Variants in CD2AP observed in about 807,000 individuals in gnomAD.
CD2AP encodes CD2 associated protein, also known as CD2-associated protein.
In CD2AP, 46 loss-of-function variants were observed where a neutral mutation model predicts 85.1. That is an observed-to-expected ratio of 0.54 (90% confidence interval 0.43 to 0.69). The LOEUF (loss-of-function observed/expected upper bound fraction) is 0.69. Ranked by LOEUF, CD2AP falls within the 30% of genes least tolerant of loss-of-function variation. The probability of loss-of-function intolerance (pLI) is 0.00; values close to 1 mark genes in which losing one functional copy is unlikely to be tolerated. For synonymous variants in CD2AP, 255 were observed against 252.9 expected (o/e 1.01, Z -0.08); for missense variants, 769 against 729.5 (o/e 1.05, Z -0.62).
chr6:47,536,145 A>G (rs934856221), intron 3 of CD2AP, among the ~76,000 whole-genome samples: 1 of 152,122 alleles, frequency 6.6e-6, no homozygotes, highest in South Asian at 2.1e-4. Context: ...AGTGTCAGCT[A>G]ACATTTAAAA....
At position 47,503,431 on chromosome 6, in the gene CD2AP, T is replaced by C; in HGVS notation, c.156T>C (p.Asn52=). 1 of 1,613,648 alleles carries C rather than the reference T, an allele frequency of 6.2e-7. No homozygotes were observed. Among genetic ancestry groups the C allele is most frequent in the South Asian group, 1.1e-5 (1 of 91,068 alleles). The change falls in exon 2 of 18, where the codon AAT becomes AAC. Residue 52 remains asparagine, a synonymous_variant. Transcript: ENST00000359314. The stretch of plus-strand genomic sequence containing the variant: ...GGAGAAGAGGAATGTTCCCTGACAA[T>C]TTCGTTAAGGTAAGTATTTTCAGTT... ...LNGRRGMFPD[N]FVKEIKRETE... is the part of the protein sequence containing the mutation.
chr6:47,594,610 A>G (rs569973834), intron 11 of CD2AP, among the ~76,000 whole-genome samples: 1 of 152,182 alleles, frequency 6.6e-6, no homozygotes, highest in South Asian at 2.1e-4. Context: ...ATAACTACAA[A>G]TAGCTTTATT....
intron 17 of CD2AP, among the ~76,000 whole-genome samples, chr6:47,623,531 A>G (rs1050368067): frequency 1.9e-4 from 29 of 152,186 alleles, no homozygotes; most frequent in African/African-American, 6.5e-4. Flanking sequence ...TGAATATGGC[A>G]GTATTGAATA....
intron 11 of CD2AP, 184 bp downstream of exon 11, chr6:47,582,249 C>A: frequency 1.8e-6 from 1 of 542,066 alleles, no homozygotes; most frequent in East Asian, 3.2e-5. Flanking sequence ...AATTTACATT[C>A]ATTAAAAAAT....
intron 2 of CD2AP, among the ~76,000 whole-genome samples, chr6:47,514,128 G>A (rs372951644): frequency 5.8e-4 from 88 of 151,968 alleles, no homozygotes; most frequent in African/African-American, 1.7e-3. Flanking sequence ...TGTATTCCTC[G>A]TAAATGCTTT....
intron 2 of CD2AP, among the ~76,000 whole-genome samples, chr6:47,505,011 C>CTTTTTTTTTTTTTTT (rs58060161): frequency 2.7e-4 from 26 of 95,106 alleles, no homozygotes; most frequent in East Asian, 1.2e-3. Context: ...GTGGCAGTTT[C>CTTTTTTTTTTTTTTT]TTTTTTTTTT....
At chr6:47,611,096 C>CT (rs1769427508) in intron 16 of CD2AP, among the ~76,000 whole-genome samples, 1 of 143,746 alleles carries the variant, frequency 7.0e-6, no homozygotes, top group South Asian at 2.2e-4. Flanking sequence ...ATCTAAAAAA[C>CT]TTGCATCAGC....
chr6:47,495,891 G>A (rs1012904159), intron 1 of CD2AP, among the ~76,000 whole-genome samples: 1 of 152,206 alleles, frequency 6.6e-6, no homozygotes. Flanking sequence ...AAAACCTGAT[G>A]TTAATAACTT....
At chr6:47,487,001 G>A (rs574589324) in intron 1 of CD2AP, among the ~76,000 whole-genome samples, 4 of 152,198 alleles carry the variant, frequency 2.6e-5, no homozygotes, top group Admixed American at 6.5e-5. Flanking sequence ...TTAGAAGTAC[G>A]TTCTCCTGAG....
intron 11 of CD2AP, among the ~76,000 whole-genome samples, chr6:47,584,657 C>A (rs934045401): frequency 6.6e-6 from 1 of 151,940 alleles, no homozygotes; most frequent in African/African-American, 2.4e-5. Flanking sequence ...GTTTTACTTT[C>A]AAAATGGAAG....
intron 17 of CD2AP, among the ~76,000 whole-genome samples, chr6:47,614,056 G>T (rs1769517501): frequency 1.3e-5 from 2 of 152,164 alleles, no homozygotes; most frequent in Non-Finnish European, 2.9e-5. Context: ...TCTGGATTAG[G>T]CTTTGGCTTA....
chr6:47,576,897 T>A (rs553531189), intron 7 of CD2AP, 112 bp from the exon 8 acceptor site: 1 of 723,676 alleles, frequency 1.4e-6, no homozygotes, highest in African/African-American at 1.8e-5. Context: ...TAAAGATAAT[T>A]AAGTTCATCT....
chr6:47,487,913 A>G (rs1271987693), intron 1 of CD2AP, among the ~76,000 whole-genome samples: 2 of 152,176 alleles, frequency 1.3e-5, no homozygotes, highest in African/African-American at 2.4e-5. Flanking sequence ...AATTGGGTAG[A>G]GAGGGCCAAC....
In CD2AP at chr6:47,599,292, T is replaced by C; in HGVS notation, c.1275-9T>C. The stretch of plus-strand genomic sequence containing the variant: ...CTAGTGATTTTTGCGTGTTTTTTTC[T>C]TATTTCAGGATTAATGGGGAAGTTT... On this transcript the variant is annotated splice_polypyrimidine_tract_variant and intron_variant, in intron 12 of 17. Transcript: ENST00000359314. The C allele has an allele frequency of 1.2e-6, 2 of 1,611,188 alleles. No individual in the cohort carries two copies. Among genetic ancestry groups the C allele is most frequent in the Admixed American group, 1.7e-5 (1 of 59,790 alleles).
chr6:47,483,007 A>G (rs778709158), intron 1 of CD2AP, among the ~76,000 whole-genome samples: 6 of 152,224 alleles, frequency 3.9e-5, no homozygotes, highest in Non-Finnish European at 8.8e-5. Context: ...CTGATGAAGC[A>G]AGTTGTGAAA....
chr6:47,518,023 A>C (rs1766496841), intron 2 of CD2AP, among the ~76,000 whole-genome samples: 1 of 152,142 alleles, frequency 6.6e-6, no homozygotes, highest in African/African-American at 2.4e-5. Context: ...AGAATGGTTA[A>C]ATATTGTTTT....
chr6:47,515,166 T>C (rs1253568923), intron 2 of CD2AP, among the ~76,000 whole-genome samples: 1 of 152,094 alleles, frequency 6.6e-6, no homozygotes, highest in East Asian at 1.9e-4. Flanking sequence ...AAAAGATAAT[T>C]AGGCAGACTA....
chr6:47,539,554 G>A (rs1013798788), intron 3 of CD2AP, among the ~76,000 whole-genome samples: 1 of 152,238 alleles, frequency 6.6e-6, no homozygotes, highest in Non-Finnish European at 1.5e-5. Context: ...AGAAGGCTTA[G>A]AAGTGGGCAT....
chr6:47,561,104 TAA>T (rs1767848852), intron 5 of CD2AP, among the ~76,000 whole-genome samples: 1 of 152,198 alleles, frequency 6.6e-6, no homozygotes, highest in African/African-American at 2.4e-5. Flanking sequence ...TCCTTCAAGG[TAA>T]CTTCTGTGAC....
Sources: allele counts gnomAD v4.1 joint callset (sites outside exome capture counted in the v4.1 genomes callset), GRCh38; gene constraint gnomAD v4.1.1; transcripts MANE v1.5; gene names NCBI Gene and HGNC (gene_info 2026-07-23, HGNC 2026-07-21).